The following ITPKB variants were observed in gnomAD, a reference collection of about 807,000 sequenced individuals.
ITPKB encodes the protein IP3 3-kinase B.
ITPKB carries 13 observed loss-of-function variants against 69.4 expected under a neutral mutation model. The ratio of observed to expected loss-of-function variants is 0.19; its 90% confidence interval spans 0.12 to 0.30. The LOEUF (loss-of-function observed/expected upper bound fraction) is 0.30. Ranked by LOEUF, ITPKB falls within the 10% of genes least tolerant of loss-of-function variation. ITPKB has a pLI of 1.00. For synonymous variants in ITPKB, 584 were observed against 513.7 expected (o/e 1.14, Z -1.85); for missense variants, 1,240 against 1,250.5 (o/e 0.99, Z 0.13).
chr1:226,714,930 TG>T (rs952620819), intron 2 of ITPKB, among the ~76,000 whole-genome samples: 1 of 152,182 alleles, frequency 6.6e-6, no homozygotes, highest in African/African-American at 2.4e-5. Flanking sequence ...TTGTCACAAA[TG>T]GGGGGAGGTG....
intron 2 of ITPKB, among the ~76,000 whole-genome samples, chr1:226,721,983 T>C (rs948181440): frequency 1.5e-4 from 23 of 151,682 alleles, no homozygotes; most frequent in African/African-American, 5.3e-4. Context: ...CCAGCTGATT[T>C]TGTATTTTTA....
intron 2 of ITPKB, among the ~76,000 whole-genome samples, chr1:226,688,554 G>C (rs1571859132): frequency 6.6e-6 from 1 of 152,202 alleles, no homozygotes; most frequent in East Asian, 1.9e-4. Context: ...CAGCTGCTCG[G>C]GGCCACTGCC....
intron 2 of ITPKB, among the ~76,000 whole-genome samples, chr1:226,659,239 T>A (rs1460293068): frequency 6.6e-6 from 1 of 152,062 alleles, no homozygotes; most frequent in African/African-American, 2.4e-5. Context: ...TCATGGCCAC[T>A]CTTCCTCTTC....
At chr1:226,716,962 A>T (rs1006171018) in intron 2 of ITPKB, among the ~76,000 whole-genome samples, 1 of 152,228 alleles carries the variant, frequency 6.6e-6, no homozygotes, top group African/African-American at 2.4e-5. Flanking sequence ...GATTTTGCAA[A>T]TATTATATAG....
chr1:226,671,965 AG>A (rs1669626818), intron 2 of ITPKB, among the ~76,000 whole-genome samples: 2 of 152,096 alleles, frequency 1.3e-5, no homozygotes, highest in African/African-American at 4.8e-5. Context: ...GAGGGTTTTG[AG>A]TGAGGAGTGT....
intron 2 of ITPKB, chr1:226,675,127 C>CAAAAAAAAA (rs71168989): frequency 4.5e-5 from 3 of 66,976 alleles, no homozygotes; most frequent in African/African-American, 6.1e-5. Context: ...TGCTTACAGG[C>CAAAAAAAAA]AAAAAAAAAA....
chr1:226,720,945 G>A (rs568883437), intron 2 of ITPKB, among the ~76,000 whole-genome samples: 324 of 151,936 alleles, frequency 2.1e-3, no homozygotes, highest in Non-Finnish European at 3.4e-3. Context: ...AGGAGGCTGA[G>A]GCAGAAGAAT....
intron 7 of ITPKB, among the ~76,000 whole-genome samples, chr1:226,635,740 C>T (rs923777044): frequency 2.6e-5 from 4 of 152,240 alleles, no homozygotes; most frequent in Non-Finnish European, 5.9e-5. Flanking sequence ...GCAGATTCAG[C>T]GTGGGCAGAC....
intron 2 of ITPKB, among the ~76,000 whole-genome samples, chr1:226,711,445 G>T (rs199768505): frequency 0.016 from 789 of 49,140 alleles, 20 homozygotes; most frequent in East Asian, 0.12. Context: ...GAGAGAGAGT[G>T]TGTGTGTGTG....
At chr1:226,640,276 T>C (rs1668931955) in intron 5 of ITPKB, among the ~76,000 whole-genome samples, 1 of 152,206 alleles carries the variant, frequency 6.6e-6, no homozygotes, top group African/African-American at 2.4e-5. Context: ...TCCTGGGCCC[T>C]CATGTGGGGC....
chr1:226,676,485 T>C (rs566001041), intron 2 of ITPKB: 1 of 152,362 alleles, frequency 6.6e-6, no homozygotes, highest in Admixed American at 6.5e-5. Context: ...CGGTGTGACC[T>C]TGACTAGGCC....
intron 2 of ITPKB, among the ~76,000 whole-genome samples, chr1:226,654,755 G>C (rs914203288): frequency 6.6e-6 from 1 of 152,170 alleles, no homozygotes; most frequent in Non-Finnish European, 1.5e-5. Context: ...CATCCTCCCC[G>C]GGTCCTTCCC....
At chr1:226,722,624 C>G (rs988344124) in intron 2 of ITPKB, among the ~76,000 whole-genome samples, 1 of 152,166 alleles carries the variant, frequency 6.6e-6, no homozygotes, top group Non-Finnish European at 1.5e-5. Context: ...CCAGCACATT[C>G]GCCATCAGAC....
chr1:226,643,292 G>C (rs1292789318), intron 4 of ITPKB, among the ~76,000 whole-genome samples: 2 of 152,194 alleles, frequency 1.3e-5, no homozygotes, highest in African/African-American at 4.8e-5. Context: ...CTTCTCCAGA[G>C]CAGAGGTGGG....
intron 4 of ITPKB, among the ~76,000 whole-genome samples, chr1:226,646,176 G>T (rs556834637): frequency 6.6e-6 from 1 of 152,216 alleles, no homozygotes. Context: ...GCCCTGCAAG[G>T]AAGCATGGGG....
At chr1:226,692,918 C>G (rs976950394) in intron 2 of ITPKB, among the ~76,000 whole-genome samples, 57 of 152,368 alleles carry the variant, frequency 3.7e-4, no homozygotes, top group African/African-American at 1.3e-3. Context: ...AATCAGCAGA[C>G]AACAAAATCT....
intron 2 of ITPKB, among the ~76,000 whole-genome samples, chr1:226,710,538 G>C (rs1193432989): frequency 6.6e-6 from 1 of 152,214 alleles, no homozygotes; most frequent in Non-Finnish European, 1.5e-5. Context: ...CCCGCCCCTT[G>C]ACTCTGGCCA....
intron 2 of ITPKB, among the ~76,000 whole-genome samples, chr1:226,653,344 A>G (rs944447281): frequency 3.9e-5 from 6 of 152,186 alleles, no homozygotes; most frequent in Non-Finnish European, 7.3e-5. Flanking sequence ...ATGAGGGGAC[A>G]AGAGGCAGAA....
chr1:226,675,195 G>A (rs1558082379), intron 2 of ITPKB: 1 of 151,148 alleles, frequency 6.6e-6, no homozygotes, highest in East Asian at 1.9e-4. Flanking sequence ...TGCTGTAACT[G>A]GTGTTTACCA....
Sources: gnomAD v4.1 joint callset for allele counts (sites outside exome capture counted in the v4.1 genomes callset) on GRCh38, gnomAD v4.1.1 for gene constraint, MANE v1.5 for transcripts, NCBI Gene and HGNC (gene_info 2026-07-23, HGNC 2026-07-21) for gene names.